TMEM232: variants seen among roughly 807,000 people sequenced by gnomAD.
TMEM232 encodes transmembrane protein 232.
Under a neutral mutation model 78.8 loss-of-function variants are expected in TMEM232, and 80 were observed. That is an observed-to-expected ratio of 1.01 (90% CI 0.85 to 1.22). TMEM232 has a LOEUF of 1.22. Among genes scored for constraint, TMEM232 ranks in the 50% most tolerant of loss-of-function variants. The pLI is 0.00. For synonymous variants in TMEM232, 297 were observed against 254.3 expected (o/e 1.17, Z -1.60); for missense variants, 881 against 742.2 (o/e 1.19, Z -2.17).
In TMEM232 at chr5:110,705,426, C is replaced by T. The variant is rs867563206; in HGVS notation, c.-13+21201G>A. 3.9e-5 allele frequency among the ~76,000 whole-genome samples: 6 copies of T among 152,106 alleles called. No individual in the cohort carries two copies. The South Asian group carries it at 1.2e-3, about 32-fold the overall frequency. Reference sequence around the variant, plus strand: ...TCAGAAGGAATATAAGGGTTGGAAGCTGCATGGAAAGATAATGATGCTACT... The same window carrying T: ...TCAGAAGGAATATAAGGGTTGGAAGTTGCATGGAAAGATAATGATGCTACT... On this transcript the variant is annotated intron_variant, in intron 1 of 13. Coordinates refer to ENST00000455884, the MANE Select transcript of TMEM232 (RefSeq NM_001039763.4).
At chr5:110,514,515 G>A (rs955029252) in intron 12 of TMEM232, among the ~76,000 whole-genome samples, 11 of 151,830 alleles carry the variant, frequency 7.2e-5, no homozygotes, top group African/African-American at 2.4e-4. Flanking sequence ...TATATCCTCA[G>A]GACAAAGCTT....
intron 12 of TMEM232, among the ~76,000 whole-genome samples, chr5:110,435,454 C>T (rs1191606474): frequency 6.7e-6 from 1 of 149,660 alleles, no homozygotes; most frequent in Non-Finnish European, 1.5e-5. Flanking sequence ...TACATCCCCT[C>T]AAGCATTCCT....
chr5:110,608,991 T>C lies in TMEM232; in HGVS notation c.903-2704A>G, dbSNP rs556457059. Among the ~76,000 whole-genome samples, 8 of 152,230 alleles carry C rather than the reference T, an allele frequency of 5.3e-5. No individual in the cohort carries two copies. The South Asian group carries it at 1.7e-3, about 32-fold the overall frequency. ...AAATAAAGAAACTGAGCCAGAGTTT[T>C]ACTGGCTTGTCTAAAATAACAATAT... On this transcript the variant is annotated intron_variant, in intron 8 of 13. Transcript: ENST00000455884.
intron 10 of TMEM232, among the ~76,000 whole-genome samples, chr5:110,596,003 A>G (rs1349216610): frequency 6.6e-6 from 1 of 152,174 alleles, no homozygotes; most frequent in Admixed American, 6.6e-5. Flanking sequence ...AATGAAGGAA[A>G]AATTGTTAAG....
At position 110,653,078 on chromosome 5, in the gene TMEM232, T is replaced by C. The variant is rs373437932; in HGVS notation, c.126-10707A>G. ...AACTATTTAATGAAAGCCTCCTACATACAAAATATTTTGCTAGATACCATG... is the reference window on the plus strand; with the variant it reads ...AACTATTTAATGAAAGCCTCCTACACACAAAATATTTTGCTAGATACCATG... On this transcript the variant is annotated intron_variant, in intron 2 of 13. Transcript: ENST00000455884. 3.3e-5 allele frequency among the ~76,000 whole-genome samples: 5 copies of C among 152,294 alleles called. No individual in the cohort carries two copies. The South Asian group carries it at 1.0e-3, about 32-fold the overall frequency.
chr5:110,592,290 G>C (rs1215123621), intron 10 of TMEM232, among the ~76,000 whole-genome samples: 4 of 152,044 alleles, frequency 2.6e-5, no homozygotes, highest in Non-Finnish European at 4.4e-5. Context: ...ATATATCCTT[G>C]GGACATCTTT....
chr5:110,610,227 GGAAAAAGA>G (rs1442158882), intron 8 of TMEM232, among the ~76,000 whole-genome samples: 2 of 126,282 alleles, frequency 1.6e-5, no homozygotes, highest in African/African-American at 3.5e-5. Context: ...AGGGAGGGAG[GGAAAAAGA>G]AAGGAAGGAA....
chr5:110,570,191 C>A (rs1003044348), intron 10 of TMEM232, among the ~76,000 whole-genome samples: 5 of 151,932 alleles, frequency 3.3e-5, no homozygotes, highest in African/African-American at 1.2e-4. Context: ...TTTGAAACGT[C>A]ATTTTCTCCT....
intron 2 of TMEM232, among the ~76,000 whole-genome samples, chr5:110,650,853 G>C (rs76811935): frequency 2.0e-5 from 3 of 152,042 alleles, no homozygotes; most frequent in Non-Finnish European, 2.9e-5. Flanking sequence ...TCAATATTGC[G>C]ACAAATGTAT....
upstream of TMEM232, among the ~76,000 whole-genome samples, chr5:110,730,612 T>C (rs244931): frequency 0.83 from 126,096 of 152,032 alleles, 53,107 homozygotes; most frequent in East Asian, 0.93. Context: ...ACTTCTTACA[T>C]GGTGAAAGCA....
At position 110,722,392 on chromosome 5, in the gene TMEM232, T is replaced by C. The variant is rs570217662; in HGVS notation, c.-13+4235A>G. On this transcript the variant is annotated intron_variant, in intron 1 of 13. Transcript: ENST00000455884. ...GGCAGCTGCAGGTTCAGTCAGTCAG[T>C]CAGCTAGTCATCTAAGTTCAGTCAG... 5.3e-5 allele frequency among the ~76,000 whole-genome samples: 8 copies of C among 152,260 alleles called. No individual in the cohort carries two copies. In the East Asian group the frequency reaches 1.5e-3, roughly 29 times the overall value.
chr5:110,716,582 T>G (rs1797037873), intron 1 of TMEM232, among the ~76,000 whole-genome samples: 1 of 152,122 alleles, frequency 6.6e-6, no homozygotes. Flanking sequence ...CTGCTGCTGA[T>G]CTGACAGGAG....
chr5:110,440,336 C>T (rs1326308885), intron 12 of TMEM232, among the ~76,000 whole-genome samples: 1 of 152,142 alleles, frequency 6.6e-6, no homozygotes, highest in Non-Finnish European at 1.5e-5. Flanking sequence ...TCCGTTCTCA[C>T]CTCTGTTCTC....
In TMEM232 at chr5:110,591,129, T is replaced by C. The variant is rs193078415; in HGVS notation, c.1276+13980A>G. ...AAAACCATGATTTAAATTGTTTCTT[T>C]GTAATAAAGGCTTTATGTAAAAATG... On this transcript the variant is annotated intron_variant, in intron 10 of 13. Transcript: ENST00000455884. Among the ~76,000 whole-genome samples, 18 of 152,306 alleles carry C rather than the reference T, an allele frequency of 1.2e-4. 1 individual carries two copies. The highest frequency in any genetic ancestry group is 7.2e-4 in the Admixed American group (11 of 15,274).
At chr5:110,684,124 T>C (rs1431366451) in intron 1 of TMEM232, among the ~76,000 whole-genome samples, 2 of 151,952 alleles carry the variant, frequency 1.3e-5, no homozygotes, top group Non-Finnish European at 1.5e-5. Flanking sequence ...TGATAAATCA[T>C]TGGAAGCTTT....
At chr5:110,562,054 C>G (rs1005328522) in intron 11 of TMEM232, among the ~76,000 whole-genome samples, 6 of 152,034 alleles carry the variant, frequency 3.9e-5, no homozygotes, top group Non-Finnish European at 8.8e-5. Flanking sequence ...GAAATAATTA[C>G]TCTAACAACA....
At chr5:110,686,279 C>T (rs986106653) in intron 1 of TMEM232, among the ~76,000 whole-genome samples, 1 of 152,000 alleles carries the variant, frequency 6.6e-6, no homozygotes, top group Non-Finnish European at 1.5e-5. Flanking sequence ...ACAGTTTGCT[C>T]CTGGGTCTCT....
intron 10 of TMEM232, among the ~76,000 whole-genome samples, chr5:110,603,482 C>G (rs963816349): frequency 5.3e-5 from 8 of 151,928 alleles, no homozygotes; most frequent in African/African-American, 1.9e-4. Flanking sequence ...TTTTCTGGAC[C>G]TACCACTAGA....
intron 12 of TMEM232, among the ~76,000 whole-genome samples, chr5:110,433,476 A>C (rs950282962): frequency 1.3e-5 from 2 of 151,654 alleles, no homozygotes; most frequent in African/African-American, 4.8e-5. Flanking sequence ...TGCATCAAAA[A>C]CAGGAAAGTT....
Sources: allele counts gnomAD v4.1 joint callset (sites outside exome capture counted in the v4.1 genomes callset), GRCh38; gene constraint gnomAD v4.1.1; transcripts MANE v1.5; gene names NCBI Gene and HGNC (gene_info 2026-07-23, HGNC 2026-07-21).